GNA12: variants seen among roughly 807,000 people sequenced by gnomAD.
The protein encoded by GNA12 is guanine nucleotide-binding protein subunit alpha-12.
GNA12 carries 9 observed loss-of-function variants against 26.0 expected under a neutral mutation model. That is an observed-to-expected ratio of 0.35 (90% CI 0.21 to 0.60). The LOEUF (loss-of-function observed/expected upper bound fraction) is 0.60. GNA12 is among the 20% of genes least tolerant of loss of function. The pLI, the probability that GNA12 is intolerant of heterozygous loss-of-function variation, is 0.78. For missense variants in GNA12, 405 were observed against 525.8 expected (o/e 0.77, Z 2.25); for synonymous variants, 264 against 219.6 (o/e 1.20, Z -1.79).
At chr7:2,763,191 A>AACACACACACAC (rs56384682) in intron 2 of GNA12, 5,643 of 222,552 alleles carry the variant, frequency 0.025, 197 homozygotes, top group African/African-American at 0.038. Context: ...AAGACACCCC[A>AACACACACACAC]ACACACACAC....
intron 2 of GNA12, among the ~76,000 whole-genome samples, chr7:2,754,983 G>T (rs996226721): frequency 1.3e-5 from 2 of 152,160 alleles, no homozygotes; most frequent in African/African-American, 4.8e-5. Context: ...TTAGGTCAAG[G>T]TTCACTTTTT....
At chr7:2,750,877 G>A (rs1177780074) in intron 2 of GNA12, among the ~76,000 whole-genome samples, 1 of 152,196 alleles carries the variant, frequency 6.6e-6, no homozygotes. Context: ...TGAAATAACT[G>A]ATTAATATGA....
intron 1 of GNA12, among the ~76,000 whole-genome samples, chr7:2,843,311 C>T (rs976239094): frequency 2.0e-5 from 3 of 152,110 alleles, no homozygotes; most frequent in Admixed American, 2.0e-4. Flanking sequence ...CAGAAGCTGG[C>T]CCGAGTTCCC....
At chr7:2,759,861 C>A in intron 2 of GNA12, among the ~76,000 whole-genome samples, 1 of 147,450 alleles carries the variant, frequency 6.8e-6, no homozygotes, top group South Asian at 2.1e-4. Flanking sequence ...GATTGTCCGC[C>A]CCCGTCTCAG....
rs749421974 is a variant in GNA12 at position 2,843,886 on chromosome 7, C to T, written c.276G>A (p.Glu92=). Residue 92 remains glutamate (E), a synonymous_variant, in exon 1 of 4, where the codon GAG becomes GAA. Coordinates refer to ENST00000275364, the MANE Select transcript of GNA12 (RefSeq NM_007353.3). ...GREFDQKALL[E]FRDTIFDNIL... The stretch of plus-strand genomic sequence containing the variant: ...TGTTGTCGAAGATGGTGTCGCGGAA[C>T]TCCAGCAGCGCCTTCTGGTCGAACT... 6.4e-7 allele frequency: 1 copy of T among 1,567,782 alleles called. No homozygotes were observed. The highest frequency in any genetic ancestry group is 1.2e-5 in the South Asian group (1 of 85,364).
At chr7:2,822,206 C>G (rs911434727) in intron 1 of GNA12, among the ~76,000 whole-genome samples, 1 of 152,202 alleles carries the variant, frequency 6.6e-6, no homozygotes, top group African/African-American at 2.4e-5. Flanking sequence ...ATGCCTCCTC[C>G]GAGATGTTGT....
At chr7:2,834,598 C>G (rs1005721288) in intron 1 of GNA12, among the ~76,000 whole-genome samples, 1 of 152,202 alleles carries the variant, frequency 6.6e-6, no homozygotes, top group Non-Finnish European at 1.5e-5. Context: ...CTCTAATCAT[C>G]TAATTCTTCA....
intron 2 of GNA12, among the ~76,000 whole-genome samples, chr7:2,768,509 G>C (rs1451295818): frequency 6.6e-6 from 1 of 151,618 alleles, no homozygotes; most frequent in Non-Finnish European, 1.5e-5. Context: ...CCTGAGACAT[G>C]CCCTTAAAAT....
intron 1 of GNA12, among the ~76,000 whole-genome samples, chr7:2,833,869 C>T (rs1778753804): frequency 4.6e-5 from 7 of 152,184 alleles, no homozygotes; most frequent in Admixed American, 4.6e-4. Flanking sequence ...GCAGAGGAGG[C>T]TGCTTCAAAG....
At chr7:2,804,751 TTTC>T (rs1305661408) in intron 1 of GNA12, among the ~76,000 whole-genome samples, 1 of 152,132 alleles carries the variant, frequency 6.6e-6, no homozygotes, top group Non-Finnish European at 1.5e-5. Context: ...CACTCAACAT[TTTC>T]TACCACTAAA....
intron 2 of GNA12, among the ~76,000 whole-genome samples, chr7:2,771,923 C>T (rs1189721266): frequency 2.6e-5 from 4 of 152,138 alleles, no homozygotes; most frequent in Admixed American, 6.5e-5. Flanking sequence ...TTCCCACCCC[C>T]GCCCTCACTG....
intron 2 of GNA12, among the ~76,000 whole-genome samples, chr7:2,761,161 C>T (rs1404091797): frequency 3.3e-5 from 5 of 152,234 alleles, no homozygotes; most frequent in African/African-American, 4.8e-5. Context: ...CAACCACGGC[C>T]GCCTCACCGA....
chr7:2,733,300 G>A lies in GNA12; in HGVS notation c.576+151C>T. 4.4e-6 allele frequency: 3 copies of A among 674,210 alleles called. No homozygotes were observed. In the East Asian group the frequency reaches 8.2e-5, roughly 18 times the overall value. 41.8% of individuals were successfully genotyped at this position (674,210 alleles called of 1,614,324 possible). On this transcript the variant is annotated intron_variant, in intron 3 of 3. Transcript: ENST00000275364. ...AGACGGGGCCCAGATCCAAGTGAGA[G>A]CGTGCCATTACAGTACTATTCGTGG...
At chr7:2,750,254 G>A (rs1790966972) in intron 2 of GNA12, among the ~76,000 whole-genome samples, 1 of 152,216 alleles carries the variant, frequency 6.6e-6, no homozygotes, top group African/African-American at 2.4e-5. Context: ...CCATCAGAGA[G>A]CTGAGATCAC....
intron 1 of GNA12, among the ~76,000 whole-genome samples, chr7:2,822,913 T>C (rs1793400603): frequency 6.6e-6 from 1 of 152,136 alleles, no homozygotes; most frequent in South Asian, 2.1e-4. Flanking sequence ...AGCCCCCTCC[T>C]AGATGTGATA....
intron 2 of GNA12, among the ~76,000 whole-genome samples, chr7:2,745,533 A>G (rs1790724560): frequency 6.6e-6 from 1 of 152,234 alleles, no homozygotes; most frequent in African/African-American, 2.4e-5. Flanking sequence ...TAAACATGGA[A>G]AGGAGCAACT....
chr7:2,771,445 C>T (rs1791947303), intron 2 of GNA12, among the ~76,000 whole-genome samples: 1 of 152,224 alleles, frequency 6.6e-6, no homozygotes. Flanking sequence ...GCCTTATCAG[C>T]CCTTCCCCTC....
chr7:2,835,116 C>T (rs1034459498), intron 1 of GNA12, among the ~76,000 whole-genome samples: 14 of 152,126 alleles, frequency 9.2e-5, no homozygotes, highest in Admixed American at 3.9e-4. Context: ...ACATTTTATC[C>T]ACTTCTAACT....
At chr7:2,826,630 C>G (rs866917323) in intron 1 of GNA12, among the ~76,000 whole-genome samples, 3 of 152,092 alleles carry the variant, frequency 2.0e-5, no homozygotes, top group Non-Finnish European at 4.4e-5. Context: ...AACTAACATG[C>G]CACGGAAAGA....
Sources: gnomAD v4.1 joint callset for allele counts (sites outside exome capture counted in the v4.1 genomes callset) on GRCh38, gnomAD v4.1.1 for gene constraint, MANE v1.5 for transcripts, NCBI Gene and HGNC (gene_info 2026-07-23, HGNC 2026-07-21) for gene names.